Variants in ADAMTSL3 observed in about 807,000 individuals in gnomAD.
The protein encoded by ADAMTSL3 is ADAMTS like 3.
A neutral mutation model predicts 201.7 loss-of-function variants in ADAMTSL3; 128 were observed. The ratio of observed to expected loss-of-function variants is 0.63; its 90% CI spans 0.55 to 0.73. The LOEUF is 0.73. Among genes scored for constraint, ADAMTSL3 ranks in the 30% least tolerant of loss-of-function variants. The pLI is 0.00. For missense variants in ADAMTSL3, 1,990 were observed against 2,119.6 expected, an observed-to-expected ratio of 0.94 and a Z score of 1.20; for synonymous variants, 738 against 748.4, an observed-to-expected ratio of 0.99 and a Z score of 0.23.
chr15:83,704,351 T>A, intron 2 of ADAMTSL3, 38 bp from the exon 3 acceptor site: 1 of 1,613,982 alleles, frequency 6.2e-7, no homozygotes, highest in South Asian at 1.1e-5. Flanking sequence ...GGGTCCTTAC[T>A]GGAGCCTTAT....
At chr15:83,819,702 A>C in intron 5 of ADAMTSL3, 109 bp from the exon 6 acceptor site, 1 of 825,296 alleles carries the variant, frequency 1.2e-6, no homozygotes, top group Non-Finnish European at 2.0e-6. Flanking sequence ...TGACTCCCAG[A>C]GAGAGGCAAG....
At chr15:83,904,595 A>G (rs1387814449) in intron 15 of ADAMTSL3, among the ~76,000 whole-genome samples, 1 of 152,220 alleles carries the variant, frequency 6.6e-6, no homozygotes, top group Admixed American at 6.5e-5. Flanking sequence ...AGGAAAATAA[A>G]AATTATAGTG....
intron 2 of ADAMTSL3, 104 bp from the exon 3 acceptor site, chr15:83,704,285 A>T: frequency 2.0e-6 from 3 of 1,522,192 alleles, no homozygotes; most frequent in African/African-American, 1.4e-5. Flanking sequence ...GTTTCTTGGT[A>T]CAGCTATTAA....
At chr15:83,873,824 C>T (rs1440803108) in intron 9 of ADAMTSL3, among the ~76,000 whole-genome samples, 1 of 145,978 alleles carries the variant, frequency 6.9e-6, no homozygotes, top group Admixed American at 6.7e-5. Flanking sequence ...GATTTGACAG[C>T]AGTGGTATGG....
At chr15:83,766,297 A>G (rs781316687) in intron 3 of ADAMTSL3, among the ~76,000 whole-genome samples, 8 of 152,210 alleles carry the variant, frequency 5.3e-5, no homozygotes, top group Non-Finnish European at 1.0e-4. Flanking sequence ...CATTGTATTC[A>G]CAGGGCACTG....
intron 6 of ADAMTSL3, among the ~76,000 whole-genome samples, chr15:83,835,260 A>G (rs950968688): frequency 1.4e-5 from 2 of 147,274 alleles, no homozygotes; most frequent in Non-Finnish European, 3.0e-5. Flanking sequence ...AAAGTTGCTT[A>G]TTGTTGATTA....
intron 3 of ADAMTSL3, among the ~76,000 whole-genome samples, chr15:83,762,313 A>G (rs1053540657): frequency 6.6e-6 from 1 of 152,188 alleles, no homozygotes; most frequent in Non-Finnish European, 1.5e-5. Context: ...GCCTCATGGA[A>G]TGACATATAT....
chr15:83,934,335 G>A (rs998090248), intron 17 of ADAMTSL3, among the ~76,000 whole-genome samples: 15 of 152,210 alleles, frequency 9.9e-5, no homozygotes, highest in Non-Finnish European at 1.8e-4. Flanking sequence ...CGACTTGCAT[G>A]GGCCCTGTAG....
chr15:83,674,746 CATATATACACACATATATACATATAT>C (rs777978478), intron 2 of ADAMTSL3, among the ~76,000 whole-genome samples: 13 of 101,842 alleles, frequency 1.3e-4, no homozygotes, highest in African/African-American at 2.9e-4. Context: ...CACATATATA[CATATATACACACATATATACATATAT>C]ATATATATAT....
intron 3 of ADAMTSL3, among the ~76,000 whole-genome samples, chr15:83,728,543 A>G (rs559991530): frequency 6.6e-6 from 1 of 152,010 alleles, no homozygotes; most frequent in African/African-American, 2.4e-5. Flanking sequence ...CATGAGGCTT[A>G]CAAATACTAT....
intron 2 of ADAMTSL3, among the ~76,000 whole-genome samples, chr15:83,686,655 T>C (rs1386397936): frequency 2.0e-5 from 3 of 152,052 alleles, no homozygotes; most frequent in Admixed American, 6.6e-5. Context: ...TGCCACGAGG[T>C]CTTGATTATT....
intron 15 of ADAMTSL3, among the ~76,000 whole-genome samples, chr15:83,902,326 A>T (rs1471554): frequency 4.0e-4 from 61 of 151,920 alleles, no homozygotes; most frequent in Non-Finnish European, 8.1e-4. Context: ...GCTGGAGTGC[A>T]GTGGCGTGAT....
At chr15:83,828,070 A>AT (rs1324872475) in intron 6 of ADAMTSL3, among the ~76,000 whole-genome samples, 2 of 152,138 alleles carry the variant, frequency 1.3e-5, no homozygotes, top group East Asian at 3.9e-4. Context: ...TGTGAAGAAG[A>AT]TTGGTGGCTT....
chr15:83,769,070 A>G (rs755374329), intron 3 of ADAMTSL3, among the ~76,000 whole-genome samples: 9 of 151,924 alleles, frequency 5.9e-5, no homozygotes, highest in Non-Finnish European at 1.0e-4. Flanking sequence ...TAACATGCCT[A>G]TTTTAGTTAT....
intron 3 of ADAMTSL3, among the ~76,000 whole-genome samples, chr15:83,725,146 G>C (rs2062154829): frequency 6.6e-6 from 1 of 152,098 alleles, no homozygotes; most frequent in Admixed American, 6.6e-5. Context: ...CTCCATAGTG[G>C]TTGTGCTAAT....
chr15:83,863,882 GA>G (rs1476947913), intron 8 of ADAMTSL3, among the ~76,000 whole-genome samples: 1 of 151,972 alleles, frequency 6.6e-6, no homozygotes, highest in African/African-American at 2.4e-5. Flanking sequence ...GATTAATAAA[GA>G]AAAGAGAGAA....
chr15:83,942,045 C>CA, intron 17 of ADAMTSL3, among the ~76,000 whole-genome samples: 1 of 152,256 alleles, frequency 6.6e-6, no homozygotes, highest in African/African-American at 2.4e-5. Flanking sequence ...GTGTCGAAAG[C>CA]AGCTGCCCTG....
rs145388431 is a variant in ADAMTSL3 at position 83,983,043 on chromosome 15, C to T, written c.3415C>T (p.Arg1139Trp). The T allele has an allele frequency of 2.2e-5, 36 of 1,614,066 alleles. No homozygotes were observed. The highest frequency in any genetic ancestry group is 1.6e-4 in the Middle Eastern group (1 of 6,062). The change falls in exon 21 of 30, where the codon CGG becomes TGG. Residue 1139 changes from arginine to tryptophan, a missense_variant. Coordinates refer to ENST00000286744, the MANE Select transcript of ADAMTSL3 (RefSeq NM_207517.3). ...AKAQPTHMQW[R>W]GIQEETPPAA... The stretch of plus-strand genomic sequence containing the variant: ...GGCACAGCCAACACACATGCAGTGG[C>T]GGGGCATCCAGGAAGAGACACCTCC...
intron 3 of ADAMTSL3, among the ~76,000 whole-genome samples, chr15:83,770,989 C>T (rs1171898179): frequency 1.3e-5 from 2 of 152,032 alleles, no homozygotes; most frequent in Non-Finnish European, 2.9e-5. Context: ...ACTGCTTGAA[C>T]CCACCCAGGA....
Sources: gnomAD v4.1 joint callset for allele counts (sites outside exome capture counted in the v4.1 genomes callset) on GRCh38, gnomAD v4.1.1 for gene constraint, MANE v1.5 for transcripts, NCBI Gene and HGNC (gene_info 2026-07-23, HGNC 2026-07-21) for gene names.